Variants in CDH4 observed in about 807,000 individuals in gnomAD.
CDH4 encodes cadherin-4.
CDH4 carries 33 observed loss-of-function variants against 86.0 expected under a neutral mutation model. The ratio of observed to expected loss-of-function variants is 0.38; its 90% CI spans 0.29 to 0.51. The LOEUF is 0.51. Among genes scored for constraint, CDH4 ranks in the 20% least tolerant of loss-of-function variants. The probability of loss-of-function intolerance (pLI) is 0.86; values close to 1 mark genes in which losing one functional copy is unlikely to be tolerated. For synonymous variants in CDH4, 555 were observed against 549.4 expected, an observed-to-expected ratio of 1.01 and a Z score of -0.14; for missense variants, 1,114 against 1,307.4, an observed-to-expected ratio of 0.85 and a Z score of 2.28.
chr20:61,638,009 C>T (rs572595675), intron 2 of CDH4, among the ~76,000 whole-genome samples: 2 of 115,972 alleles, frequency 1.7e-5, no homozygotes, highest in South Asian at 2.7e-4. Flanking sequence ...CCAGCCTGGG[C>T]AACAAGAATA....
At chr20:61,425,842 T>G (rs2427092) in intron 2 of CDH4, among the ~76,000 whole-genome samples, 6,055 of 37,348 alleles carry the variant, frequency 0.16, 527 homozygotes, top group South Asian at 0.28. Flanking sequence ...CCAATTGCAG[T>G]ACATTCTCAA....
chr20:61,477,129 T>C (rs570454443), intron 2 of CDH4, among the ~76,000 whole-genome samples: 1 of 152,286 alleles, frequency 6.6e-6, no homozygotes, highest in Admixed American at 6.5e-5. Context: ...GAGAGATGCC[T>C]GGTCCCTGCC....
Position 61,713,932 on chromosome 20 carries a change from T to C in CDH4, c.170-29631T>C, listed in dbSNP as rs1600902748. Among the ~76,000 whole-genome samples, 7 of 152,326 alleles carry C rather than the reference T, an allele frequency of 4.6e-5. 1 individual carries two copies. The highest frequency in any genetic ancestry group is 1.7e-4 in the African/African-American group (7 of 41,568). Reference sequence around the variant, plus strand: ...CCCCGTGCAGTGGGCTGATCAGATGTGTGTTCACCCCAGCGGGACTCAGCA... The same window carrying C: ...CCCCGTGCAGTGGGCTGATCAGATGCGTGTTCACCCCAGCGGGACTCAGCA... On this transcript the variant is annotated intron_variant, in intron 2 of 15. Transcript: ENST00000614565.
intron 2 of CDH4, among the ~76,000 whole-genome samples, chr20:61,283,976 T>C (rs1441844686): frequency 2.0e-5 from 3 of 152,090 alleles, no homozygotes; most frequent in Non-Finnish European, 4.4e-5. Context: ...CAATCCCACA[T>C]TTACTCAATT....
intron 4 of CDH4, among the ~76,000 whole-genome samples, chr20:61,799,072 C>T (rs2146028749): frequency 6.6e-6 from 1 of 152,316 alleles, no homozygotes; most frequent in Non-Finnish European, 1.5e-5. Flanking sequence ...CTTGTCAGAG[C>T]TGTGGTTACT....
intron 2 of CDH4, among the ~76,000 whole-genome samples, chr20:61,523,877 G>GACTTTTTT (rs2085891315): frequency 1.3e-5 from 2 of 152,232 alleles, no homozygotes; most frequent in Non-Finnish European, 2.9e-5. Flanking sequence ...AATTAAAAAT[G>GACTTTTTT]GCTAAACAGT....
At chr20:61,560,444 G>T (rs2086208251) in intron 2 of CDH4, among the ~76,000 whole-genome samples, 1 of 152,170 alleles carries the variant, frequency 6.6e-6, no homozygotes, top group South Asian at 2.1e-4. Flanking sequence ...AAACTTTATG[G>T]GTGTGTGTCA....
chr20:61,876,161 G>A (rs1364763250), intron 7 of CDH4, among the ~76,000 whole-genome samples: 1 of 152,250 alleles, frequency 6.6e-6, no homozygotes, highest in Non-Finnish European at 1.5e-5. Flanking sequence ...CAAGGGTCAG[G>A]CCTGTGAGCG....
chr20:61,468,428 A>G (rs1411452269), intron 2 of CDH4, among the ~76,000 whole-genome samples: 2 of 152,102 alleles, frequency 1.3e-5, no homozygotes, highest in Non-Finnish European at 2.9e-5. Context: ...TTCTGGATAC[A>G]TAGAAGGTAT....
At chr20:61,749,936 C>A (rs984023475) in intron 3 of CDH4, among the ~76,000 whole-genome samples, 4 of 152,188 alleles carry the variant, frequency 2.6e-5, no homozygotes, top group African/African-American at 9.7e-5. Flanking sequence ...TGGCACGCCC[C>A]TGTAATCCCA....
intron 4 of CDH4, among the ~76,000 whole-genome samples, chr20:61,790,280 A>T (rs908639647): frequency 5.3e-5 from 8 of 151,092 alleles, no homozygotes; most frequent in African/African-American, 2.0e-4. Flanking sequence ...CCATTCATTC[A>T]TGCATCCACA....
chr20:61,536,517 C>T (rs1004338323), intron 2 of CDH4, among the ~76,000 whole-genome samples: 4 of 152,156 alleles, frequency 2.6e-5, no homozygotes, highest in African/African-American at 2.4e-5. Flanking sequence ...TGATAACCCA[C>T]GAAACTCAAG....
intron 2 of CDH4, chr20:61,370,532 G>A (rs539882825): frequency 3.2e-4 from 49 of 152,314 alleles, no homozygotes; most frequent in African/African-American, 1.2e-3. Flanking sequence ...TATAGACAGG[G>A]AGTATCAGTT....
At chr20:61,702,973 G>A (rs753208838) in intron 2 of CDH4, among the ~76,000 whole-genome samples, 2 of 152,280 alleles carry the variant, frequency 1.3e-5, no homozygotes, top group African/African-American at 2.4e-5. Context: ...GTGTGCGTGC[G>A]GCCCTGAGGG....
At chr20:61,897,521 C>A (rs1985187054) in intron 8 of CDH4, among the ~76,000 whole-genome samples, 1 of 152,144 alleles carries the variant, frequency 6.6e-6, no homozygotes, top group Non-Finnish European at 1.5e-5. Context: ...CAACACTGAC[C>A]AGCCATGAGG....
chr20:61,795,093 G>A (rs57938658), intron 4 of CDH4, among the ~76,000 whole-genome samples: 4 of 105,170 alleles, frequency 3.8e-5, no homozygotes, highest in African/African-American at 3.6e-5. Context: ...GATGTTGATG[G>A]TAATGATGGT....
chr20:61,502,928 TG>T (rs1234089795), intron 2 of CDH4, among the ~76,000 whole-genome samples: 1 of 152,176 alleles, frequency 6.6e-6, no homozygotes, highest in Non-Finnish European at 1.5e-5. Context: ...ACTAAAACAG[TG>T]GGATCACACT....
At chr20:61,260,322 A>G (rs990681402) in intron 2 of CDH4, among the ~76,000 whole-genome samples, 1 of 152,246 alleles carries the variant, frequency 6.6e-6, no homozygotes, top group Non-Finnish European at 1.5e-5. Context: ...TGTTGAATAA[A>G]TGAACAGTCA....
At chr20:61,861,137 G>A (rs7268103) in intron 6 of CDH4, among the ~76,000 whole-genome samples, 16,871 of 152,218 alleles carry the variant, frequency 0.11, 1,149 homozygotes, top group South Asian at 0.23. Flanking sequence ...CGCACTGGAC[G>A]TGGGCTCCGC....
Sources: allele counts gnomAD v4.1 joint callset (sites outside exome capture counted in the v4.1 genomes callset), GRCh38; gene constraint gnomAD v4.1.1; transcripts MANE v1.5; gene names NCBI Gene and HGNC (gene_info 2026-07-23, HGNC 2026-07-21).